The following C12orf56 variants were observed in gnomAD, a reference collection of about 807,000 sequenced individuals.
C12orf56 encodes uncharacterized protein C12orf56.
A neutral mutation model predicts 69.9 loss-of-function variants in C12orf56; 71 were observed. The ratio of observed to expected loss-of-function variants is 1.02; its 90% confidence interval spans 0.84 to 1.24. The LOEUF is 1.24. C12orf56 is among the 50% of genes most tolerant of loss of function. The pLI is 0.00. For missense variants in C12orf56, 732 were observed against 738.5 expected, an observed-to-expected ratio of 0.99 and a Z score of 0.10; for synonymous variants, 276 against 274.1, an observed-to-expected ratio of 1.01 and a Z score of -0.07.
chr12:64,349,676 C>T (rs1172330122), intron 2 of C12orf56, among the ~76,000 whole-genome samples: 1 of 152,196 alleles, frequency 6.6e-6, no homozygotes, highest in East Asian at 1.9e-4. Context: ...AAAAAGCATT[C>T]ACAGTGACCT....
chr12:64,292,799 C>G lies in C12orf56; in HGVS notation c.1114-6739G>C, dbSNP rs369617796. Among the ~76,000 whole-genome samples the G allele has an allele frequency of 1.1e-4, 12 of 105,244 alleles. 1 individual carries two copies. The South Asian group carries it at 3.0e-3, about 26-fold the overall frequency. 69.0% of individuals were successfully genotyped at this position (105,244 alleles called of 152,430 possible). ...TTAAGTCTGCAGAGGTTACTGCTGTCTTTTTGTTTGTCTGTGCCCTGCCCC... is the reference window on the plus strand; with the variant it reads ...TTAAGTCTGCAGAGGTTACTGCTGTGTTTTTGTTTGTCTGTGCCCTGCCCC... On this transcript the variant is annotated intron_variant, in intron 6 of 12. Coordinates refer to ENST00000543942, the MANE Select transcript of C12orf56 (RefSeq NM_001170633.2).
In C12orf56 at chr12:64,386,384, T is replaced by TTATATATA. The variant is rs1465862061; in HGVS notation, c.252+3922_252+3929dup. ...GTGTGCTACCACTGCTGGCTAATTT[T>TTATATATA]TATATATATATATATTTTTTTTTTT... is the stretch of plus-strand genomic sequence containing the variant. On this transcript the variant is annotated intron_variant, in intron 1 of 12. Coordinates refer to ENST00000543942, the MANE Select transcript of C12orf56 (RefSeq NM_001170633.2). Among the ~76,000 whole-genome samples, 927 of 104,008 alleles carry TTATATATA rather than the reference T, an allele frequency of 8.9e-3. 18 individuals are homozygous for TTATATATA. Among genetic ancestry groups the TTATATATA allele is most frequent in the African/African-American group, 0.029 (769 of 26,296 alleles). The allele number at this position is 104,008 out of a possible 152,430, so 68.2% of individuals were successfully genotyped here. A position where few individuals can be genotyped will look rare whatever the true frequency, so the allele number is the denominator to read the frequency against.
intron 2 of C12orf56, among the ~76,000 whole-genome samples, chr12:64,342,311 C>G (rs1365877286): frequency 1.3e-5 from 2 of 152,262 alleles, no homozygotes; most frequent in African/African-American, 4.8e-5. Flanking sequence ...GCTCGAAGTT[C>G]TGCCCAATGG....
chr12:64,390,581 C>T lies in C12orf56; in HGVS notation c.-16G>A. On this transcript the variant is annotated 5_prime_UTR_variant, in exon 1 of 13. Transcript: ENST00000543942. ...GGCTGGCCATGCCCGGCGCCCGCAG[C>T]GTGGCGGAGTGCTGGGACTCGAGGC... 6.5e-7 allele frequency: 1 copy of T among 1,544,012 alleles called. No individual in the cohort carries two copies. Among genetic ancestry groups the T allele is most frequent in the Non-Finnish European group, 8.7e-7 (1 of 1,152,256 alleles).
At chr12:64,340,578 CAA>C (rs1374667687) in intron 2 of C12orf56, among the ~76,000 whole-genome samples, 1 of 152,080 alleles carries the variant, frequency 6.6e-6, no homozygotes, top group Non-Finnish European at 1.5e-5. Context: ...ATAAAGTTAA[CAA>C]TATTTAAATG....
At chr12:64,275,108 T>A in intron 10 of C12orf56, 133 bp from the exon 11 acceptor site, 1 of 928,160 alleles carries the variant, frequency 1.1e-6, no homozygotes, top group Non-Finnish European at 1.6e-6. Context: ...ATAAACTAGA[T>A]GAGCACTTAA....
chr12:64,279,172 A>T (rs149680902), intron 8 of C12orf56, among the ~76,000 whole-genome samples: 1 of 152,128 alleles, frequency 6.6e-6, no homozygotes, highest in South Asian at 2.1e-4. Flanking sequence ...TGCCCACCTC[A>T]GCCTCTCAAA....
At chr12:64,314,972 A>G (rs1319337535) in intron 4 of C12orf56, among the ~76,000 whole-genome samples, 9 of 58,312 alleles carry the variant, frequency 1.5e-4, no homozygotes, top group African/African-American at 5.3e-4. Context: ...TTTTTTTGAG[A>G]CGGAGTTTAG....
At chr12:64,317,078 T>C (rs1373405593) in intron 4 of C12orf56, among the ~76,000 whole-genome samples, 1 of 152,208 alleles carries the variant, frequency 6.6e-6, no homozygotes, top group Non-Finnish European at 1.5e-5. Flanking sequence ...CTTTTTTTAA[T>C]ACACCAGAGC....
At chr12:64,276,514 T>C (rs1232716646) in intron 9 of C12orf56, among the ~76,000 whole-genome samples, 1 of 152,164 alleles carries the variant, frequency 6.6e-6, no homozygotes, top group Non-Finnish European at 1.5e-5. Flanking sequence ...TAATCCACCA[T>C]TGAAAGTGGT....
chr12:64,286,225 T>C, intron 6 of C12orf56, 165 bp from the exon 7 acceptor site: 2 of 565,052 alleles, frequency 3.5e-6, no homozygotes, highest in Admixed American at 3.4e-5. Flanking sequence ...GAAACATACT[T>C]CTTACTTACA....
intron 6 of C12orf56, among the ~76,000 whole-genome samples, chr12:64,297,884 C>A (rs964220878): frequency 6.6e-6 from 1 of 152,138 alleles, no homozygotes; most frequent in South Asian, 2.1e-4. Context: ...GATTTATAAT[C>A]CTTTGGGTAT....
In C12orf56 at chr12:64,376,493, T is replaced by C. The variant is rs115481533; in HGVS notation, c.252+13821A>G. 8.2e-3 allele frequency among the ~76,000 whole-genome samples: 1,250 copies of C among 152,304 alleles called. 18 individuals are homozygous for C. The highest frequency in any genetic ancestry group is 0.028 in the African/African-American group (1,163 of 41,566). On this transcript the variant is annotated intron_variant, in intron 1 of 12. Transcript: ENST00000543942. ...GAAACAGCAATTACTTTTGTACCAA[T>C]CTAATACATAGATAAATCCGTGCCA... is the stretch of plus-strand genomic sequence containing the variant.
intron 2 of C12orf56, among the ~76,000 whole-genome samples, chr12:64,346,707 AC>A (rs2135944315): frequency 6.6e-6 from 1 of 152,170 alleles, no homozygotes; most frequent in South Asian, 2.1e-4. Flanking sequence ...TCCTCTGGCA[AC>A]CAGCCCCATC....
At chr12:64,276,001 A>ACC (rs57825864) in intron 9 of C12orf56, among the ~76,000 whole-genome samples, 3,828 of 144,532 alleles carry the variant, frequency 0.026, 68 homozygotes, top group Admixed American at 0.056. Flanking sequence ...AGAAATACAC[A>ACC]CCCCCCCCCG....
At chr12:64,321,092 T>C (rs2038766531) in intron 3 of C12orf56, among the ~76,000 whole-genome samples, 1 of 152,260 alleles carries the variant, frequency 6.6e-6, no homozygotes, top group South Asian at 2.1e-4. Context: ...TTAGTGGACC[T>C]AGGACTTCAT....
At chr12:64,380,104 C>CAAAAAAAAAAAAAAAAAAAAAAAA (rs60079906) in intron 1 of C12orf56, among the ~76,000 whole-genome samples, 2 of 49,980 alleles carry the variant, frequency 4.0e-5, no homozygotes, top group Admixed American at 3.4e-4. Context: ...GACTCCGTCG[C>CAAAAAAAAAAAAAAAAAAAAAAAA]AAAAAAAAAA....
At chr12:64,360,992 G>A (rs2039392708) in intron 1 of C12orf56, among the ~76,000 whole-genome samples, 1 of 152,130 alleles carries the variant, frequency 6.6e-6, no homozygotes. Flanking sequence ...GGCCGAGATG[G>A]GCGTATCACT....
At chr12:64,370,800 T>C (rs985338755) in intron 1 of C12orf56, among the ~76,000 whole-genome samples, 8 of 152,118 alleles carry the variant, frequency 5.3e-5, no homozygotes, top group African/African-American at 1.9e-4. Context: ...GCTCTAGTAA[T>C]TAAAACTGTA....
Sources: gnomAD v4.1 joint callset for allele counts (sites outside exome capture counted in the v4.1 genomes callset) on GRCh38, gnomAD v4.1.1 for gene constraint, MANE v1.5 for transcripts, NCBI Gene and HGNC (gene_info 2026-07-23, HGNC 2026-07-21) for gene names.